CREBBP: variants seen among roughly 807,000 people sequenced by gnomAD.
CREBBP encodes the protein CREB binding lysine acetyltransferase, also known as CREB-binding protein.
CREBBP carries 19 observed loss-of-function variants against 265.0 expected under a neutral mutation model. The ratio of observed to expected loss-of-function variants is 0.07; its 90% CI spans 0.05 to 0.11. CREBBP has a LOEUF of 0.11. Among genes scored for constraint, CREBBP ranks in the 10% least tolerant of loss-of-function variants. The probability of loss-of-function intolerance (pLI) is 1.00; values close to 1 mark genes in which losing one functional copy is unlikely to be tolerated. For missense variants in CREBBP, 2,525 were observed against 3,219.0 expected (o/e 0.78, Z 5.22); for synonymous variants, 1,457 against 1,223.7 (o/e 1.19, Z -3.98).
rs1567263168 is a variant in CREBBP, at chr16:3,729,444, C to T, written c.5603G>A (p.Arg1868Gln). The T allele has an allele frequency of 6.2e-7, 1 of 1,613,976 alleles. No homozygotes were observed. Among genetic ancestry groups the T allele is most frequent in the Non-Finnish European group, 8.5e-7 (1 of 1,179,986 alleles). Reference sequence around the variant, plus strand: ...GTTGCGGGTGTTCATGGTGGCCATCCGCCGGCGCATGAGCTGGGCCTGCTG... The same window carrying T: ...GTTGCGGGTGTTCATGGTGGCCATCTGCCGGCGCATGAGCTGGGCCTGCTG... ...RLQQAQLMRR[R>Q]MATMNTRNVP... Residue 1868 changes from arginine to glutamine, a missense_variant, in exon 31 of 31, where the codon CGG becomes CAG. Arg to Gln is a conservative substitution (Grantham distance 43, BLOSUM62 1). Coordinates refer to ENST00000262367, the MANE Select transcript of CREBBP (RefSeq NM_004380.3).
intron 19 of CREBBP, among the ~76,000 whole-genome samples, chr16:3,754,538 A>AAAGT (rs74909296): frequency 0.87 from 132,621 of 151,966 alleles, 58,226 homozygotes; most frequent in East Asian, 1. Flanking sequence ...CAGGGTTGCT[A>AAAGT]TAGTACCATG....
chr16:3,825,042 G>C (rs2054211853), intron 2 of CREBBP, among the ~76,000 whole-genome samples: 1 of 152,188 alleles, frequency 6.6e-6, no homozygotes, highest in South Asian at 2.1e-4. Flanking sequence ...CAAAAATAGA[G>C]CACAGAAAAT....
intron 11 of CREBBP, among the ~76,000 whole-genome samples, chr16:3,777,245 G>A (rs1408104344): frequency 6.6e-6 from 1 of 151,724 alleles, no homozygotes; most frequent in Non-Finnish European, 1.5e-5. Context: ...TGAGGCAGGA[G>A]AATGGTGTGA....
At chr16:3,788,666 T>C (rs2053441459) in intron 5 of CREBBP, among the ~76,000 whole-genome samples, 1 of 152,222 alleles carries the variant, frequency 6.6e-6, no homozygotes, top group African/African-American at 2.4e-5. Flanking sequence ...AAAAATCGAA[T>C]GAGGCCAGGC....
chr16:3,767,238 G>C, intron 16 of CREBBP: 1 of 177,706 alleles, frequency 5.6e-6, no homozygotes, highest in Non-Finnish European at 1.2e-5. Flanking sequence ...GCGCCACCCT[G>C]CCCCTCACTC....
At chr16:3,756,971 T>C (rs1408011317) in intron 19 of CREBBP, among the ~76,000 whole-genome samples, 1 of 152,124 alleles carries the variant, frequency 6.6e-6, no homozygotes, top group East Asian at 1.9e-4. Flanking sequence ...GTACGCTTTA[T>C]AACTAACTAA....
intron 3 of CREBBP, among the ~76,000 whole-genome samples, chr16:3,800,515 A>G (rs1344431064): frequency 6.6e-6 from 1 of 152,166 alleles, no homozygotes; most frequent in African/African-American, 2.4e-5. Context: ...CAATTTTTCC[A>G]AAATTAACAT....
chr16:3,729,669 G>A lies in CREBBP; in HGVS notation c.5378C>T (p.Pro1793Leu). The change falls in exon 31 of 31, where the codon CCA (proline) becomes CTA (leucine). Residue 1793 changes from proline to leucine, a missense_variant. This residue lies in a region of CREBBP where 53 missense variants were observed against 146.3 expected (regional missense o/e 0.36). Transcript: ENST00000262367. ...CACCCGCTTCATCTTCTGGCAGGAT[G>A]GCAGCGAGCAGTTGGCGTTGCGGCA... ...CQCRNANCSL[P>L]SCQKMKRVVQ... 6.2e-7 allele frequency: 1 copy of A among 1,613,672 alleles called. No individual in the cohort carries two copies. The highest frequency in any genetic ancestry group is 2.2e-5 in the East Asian group (1 of 44,876).
At chr16:3,837,104 C>A (rs1351062966) in intron 2 of CREBBP, among the ~76,000 whole-genome samples, 1 of 152,112 alleles carries the variant, frequency 6.6e-6, no homozygotes, top group Non-Finnish European at 1.5e-5. Flanking sequence ...CAAGGCAGGT[C>A]CTTCAGGCGG....
At chr16:3,752,636 G>A (rs538215156) in intron 19 of CREBBP, among the ~76,000 whole-genome samples, 1 of 152,112 alleles carries the variant, frequency 6.6e-6, no homozygotes, top group Non-Finnish European at 1.5e-5. Context: ...TACAATATAT[G>A]TAAATCCATG....
At chr16:3,859,508 G>C (rs1467143799) in intron 1 of CREBBP, among the ~76,000 whole-genome samples, 1 of 152,112 alleles carries the variant, frequency 6.6e-6, no homozygotes, top group Non-Finnish European at 1.5e-5. Flanking sequence ...ATGTCTTTTC[G>C]TATGCTCACG....
chr16:3,759,803 G>T (rs1265382888), intron 16 of CREBBP, among the ~76,000 whole-genome samples: 2 of 152,106 alleles, frequency 1.3e-5, no homozygotes, highest in Non-Finnish European at 2.9e-5. Context: ...CAACCCCTCA[G>T]ACACCTTACT....
rs759277368 is a variant in CREBBP at position 3,745,394 on chromosome 16, C to G, written c.3837-40G>C. ...AGGCGCACTGTTAAAGCACACGGAA[C>G]CACAAGACCAGAGTCACTTGTAGAA... On this transcript the variant is annotated intron_variant, in intron 21 of 30. Transcript: ENST00000262367. 5 of 1,585,406 alleles carry G rather than the reference C, an allele frequency of 3.2e-6. No individual in the cohort carries two copies. In the Admixed American group the frequency reaches 6.7e-5, roughly 21 times the overall value.
In CREBBP at chr16:3,769,982, C is replaced by T. The variant is rs190489885; in HGVS notation, c.2880+588G>A. On this transcript the variant is annotated intron_variant, in intron 14 of 30. Coordinates refer to ENST00000262367, the MANE Select transcript of CREBBP (RefSeq NM_004380.3). ...GCCTCCCAGGCTCAAGCGATTCTCCCGCCTCAGCCTCCCGAGTAGCTGGGA... is the reference window on the plus strand; with the variant it reads ...GCCTCCCAGGCTCAAGCGATTCTCCTGCCTCAGCCTCCCGAGTAGCTGGGA... 4.1e-3 allele frequency among the ~76,000 whole-genome samples: 618 copies of T among 152,110 alleles called. 3 individuals are homozygous for T. The highest frequency in any genetic ancestry group is 0.014 in the African/African-American group (597 of 41,516).
At chr16:3,737,558 C>T (rs1171777122) in intron 26 of CREBBP, among the ~76,000 whole-genome samples, 2 of 149,950 alleles carry the variant, frequency 1.3e-5, no homozygotes, top group African/African-American at 2.5e-5. Context: ...CTCCCTGGTT[C>T]GAGTGGCTCT....
chr16:3,732,761 C>T (rs996431058), intron 28 of CREBBP, among the ~76,000 whole-genome samples: 7 of 151,680 alleles, frequency 4.6e-5, no homozygotes, highest in African/African-American at 9.7e-5. Flanking sequence ...AGTGCAATAA[C>T]GCGATCTCGG....
At chr16:3,841,978 G>A (rs1449591749) in intron 2 of CREBBP, among the ~76,000 whole-genome samples, 4 of 152,194 alleles carry the variant, frequency 2.6e-5, no homozygotes, top group Non-Finnish European at 5.9e-5. Context: ...TGACCAAAAT[G>A]ATGGCTGACT....
intron 12 of CREBBP, 139 bp from the exon 13 acceptor site, chr16:3,774,069 GA>G: frequency 2.1e-6 from 2 of 941,316 alleles, no homozygotes; most frequent in Non-Finnish European, 3.4e-6. Context: ...TTCCTCATGG[GA>G]AGAGACCACC....
chr16:3,859,285 C>A (rs182078097), intron 1 of CREBBP, among the ~76,000 whole-genome samples: 1 of 152,032 alleles, frequency 6.6e-6, no homozygotes. Flanking sequence ...CTCTACTTCC[C>A]GGATTCAAAC....
Sources: allele counts gnomAD v4.1 joint callset (sites outside exome capture counted in the v4.1 genomes callset), GRCh38; gene constraint gnomAD v4.1.1; regional missense constraint gnomAD v4.1.1; transcripts MANE v1.5; gene names NCBI Gene and HGNC (gene_info 2026-07-23, HGNC 2026-07-21).